Variants in MEIS2 observed in about 807,000 individuals in gnomAD.
MEIS2 encodes the protein Meis homeobox 2, also known as homeobox protein Meis2.
MEIS2 carries 9 observed loss-of-function variants against 58.6 expected under a neutral mutation model. The observed-to-expected ratio is 0.15, with a 90% CI of 0.09 to 0.27. The LOEUF (loss-of-function observed/expected upper bound fraction) is 0.27. Ranked by LOEUF, MEIS2 falls within the 10% of genes least tolerant of loss-of-function variation. The pLI is 1.00. For synonymous variants in MEIS2, 221 were observed against 228.4 expected (o/e 0.97, Z 0.29); for missense variants, 427 against 635.0 (o/e 0.67, Z 3.52).
At chr15:37,005,457 C>A (rs1432238268) in intron 8 of MEIS2, among the ~76,000 whole-genome samples, 2 of 152,188 alleles carry the variant, frequency 1.3e-5, no homozygotes, top group African/African-American at 2.4e-5. Context: ...GCAACACCTC[C>A]CTCCAGGGAC....
intron 9 of MEIS2, among the ~76,000 whole-genome samples, chr15:36,926,274 C>T (rs1567061403): frequency 6.6e-6 from 1 of 151,940 alleles, no homozygotes; most frequent in African/African-American, 2.4e-5. Flanking sequence ...AAGTCAGAGC[C>T]AGGGTCGTTG....
chr15:37,085,165 A>G (rs767666923), intron 6 of MEIS2, among the ~76,000 whole-genome samples: 1 of 152,348 alleles, frequency 6.6e-6, no homozygotes, highest in South Asian at 2.1e-4. Flanking sequence ...CACTAAAAAA[A>G]CCAATCAAAA....
At chr15:36,975,297 G>A (rs548098867) in intron 8 of MEIS2, among the ~76,000 whole-genome samples, 7 of 152,076 alleles carry the variant, frequency 4.6e-5, no homozygotes, top group Non-Finnish European at 8.8e-5. Context: ...CCAGAATACT[G>A]AAGTTTTTTC....
chr15:36,974,378 T>C (rs934178981), intron 8 of MEIS2, among the ~76,000 whole-genome samples: 3 of 152,232 alleles, frequency 2.0e-5, no homozygotes, highest in Admixed American at 6.5e-5. Context: ...GTAATATTTT[T>C]GTTCACACTC....
intron 8 of MEIS2, among the ~76,000 whole-genome samples, chr15:36,952,607 C>CTGTGTG (rs59061267): frequency 0.028 from 3,961 of 139,976 alleles, 53 homozygotes; most frequent in Non-Finnish European, 0.037. Flanking sequence ...GTCTCTCTCT[C>CTGTGTG]TGTGTGTGTG....
chr15:37,053,687 A>G (rs73395404), intron 7 of MEIS2, among the ~76,000 whole-genome samples: 4,577 of 152,272 alleles, frequency 0.03, 231 homozygotes, highest in African/African-American at 0.11. Context: ...ACAACTATAT[A>G]ACCAAGAGAA....
chr15:36,924,608 T>C (rs144568922), intron 9 of MEIS2, among the ~76,000 whole-genome samples: 1,568 of 152,220 alleles, frequency 0.01, 9 homozygotes, highest in Non-Finnish European at 0.017. Context: ...GTTAACTACA[T>C]AGACTTGCCG....
chr15:37,050,557 G>A (rs975356149), intron 7 of MEIS2, among the ~76,000 whole-genome samples: 1 of 152,092 alleles, frequency 6.6e-6, no homozygotes, highest in African/African-American at 2.4e-5. Context: ...TAGAGAACAG[G>A]GGCCCTAAAT....
intron 8 of MEIS2, among the ~76,000 whole-genome samples, chr15:36,985,867 G>C (rs925401744): frequency 6.6e-6 from 1 of 152,172 alleles, no homozygotes; most frequent in Non-Finnish European, 1.5e-5. Context: ...TGGTGACAGA[G>C]TTGTGAAGCA....
chr15:37,017,608 CA>C (rs1478306828), intron 8 of MEIS2, among the ~76,000 whole-genome samples: 1 of 151,872 alleles, frequency 6.6e-6, no homozygotes, highest in African/African-American at 2.4e-5. Context: ...GCCTCACACA[CA>C]AAAAAGTGCC....
chr15:36,921,008 CA>C (rs796659033), intron 9 of MEIS2, among the ~76,000 whole-genome samples: 54 of 150,792 alleles, frequency 3.6e-4, no homozygotes, highest in African/African-American at 1.1e-3. Flanking sequence ...AAAACAAAAA[CA>C]AAAAAAAACC....
chr15:36,921,422 C>G (rs2057502199), intron 9 of MEIS2, among the ~76,000 whole-genome samples: 1 of 152,196 alleles, frequency 6.6e-6, no homozygotes, highest in Admixed American at 6.5e-5. Context: ...TTTCCTGATA[C>G]CGTATGCTAT....
intron 7 of MEIS2, among the ~76,000 whole-genome samples, chr15:37,068,037 A>C (rs755342895): frequency 4.6e-5 from 7 of 152,200 alleles, no homozygotes; most frequent in Non-Finnish European, 1.0e-4. Flanking sequence ...CAAATATATT[A>C]TCTAATTTCA....
At chr15:37,052,154 G>A (rs561031153) in intron 7 of MEIS2, among the ~76,000 whole-genome samples, 1 of 152,272 alleles carries the variant, frequency 6.6e-6, no homozygotes, top group South Asian at 2.1e-4. Flanking sequence ...ATGAAAGACT[G>A]AGCACTCTCA....
chr15:36,954,235 A>T (rs2058869279), intron 8 of MEIS2, among the ~76,000 whole-genome samples: 1 of 151,846 alleles, frequency 6.6e-6, no homozygotes, highest in Non-Finnish European at 1.5e-5. Flanking sequence ...AGCAAGTTGT[A>T]GAACAATATG....
chr15:37,100,533 T>C lies in MEIS2; in HGVS notation c.-1067A>G, dbSNP rs1894977562. 1 of 131,218 alleles carries C rather than the reference T, an allele frequency of 7.6e-6. No homozygotes were observed. The highest frequency in any genetic ancestry group is 8.8e-5 in the Admixed American group (1 of 11,322). 8.1% of individuals were successfully genotyped at this position (131,218 alleles called of 1,614,324 possible). A position where few individuals can be genotyped will look rare whatever the true frequency, so the allele number is the denominator to read the frequency against. On this transcript the variant is annotated 5_prime_UTR_variant, in exon 1 of 12. Transcript: ENST00000561208. Reference sequence around the variant, plus strand: ...GGAGGAGCGCGCCGCGCCGAGCCTCTGATATGCAACGAGTGCGATCGGACA... The same window carrying C: ...GGAGGAGCGCGCCGCGCCGAGCCTCCGATATGCAACGAGTGCGATCGGACA...
In MEIS2 at chr15:36,895,159, C is replaced by G; in HGVS notation, c.1139G>C (p.Arg380Pro). Residue 380 changes from arginine (R) to proline (P), a missense_variant, in exon 11 of 12, where the codon CGG becomes CCG. Physicochemically the swap from Arg to Pro is moderately radical, Grantham distance 103. Coordinates refer to ENST00000561208, the MANE Select transcript of MEIS2 (RefSeq NM_170675.5). ...VLDGQQHMGI[R>P]PAGLQSMPGD... ...GGGATGAGCCAACCTACCTGCAGGC[C>G]GGATCCCCATGTGTTGCTGACCATC... 6.2e-7 allele frequency: 1 copy of G among 1,613,656 alleles called. No homozygotes were observed. Among genetic ancestry groups the G allele is most frequent in the Non-Finnish European group, 8.5e-7 (1 of 1,179,908 alleles).
At chr15:36,904,570 T>C (rs1294641518) in intron 9 of MEIS2, among the ~76,000 whole-genome samples, 1 of 152,192 alleles carries the variant, frequency 6.6e-6, no homozygotes, top group Non-Finnish European at 1.5e-5. Context: ...ATGACCACAT[T>C]TGAACTGCTT....
intron 8 of MEIS2, among the ~76,000 whole-genome samples, chr15:37,009,373 C>T (rs961557729): frequency 3.3e-5 from 5 of 152,184 alleles, no homozygotes; most frequent in African/African-American, 1.2e-4. Context: ...CACATTAATA[C>T]ATTTGGGGTT....
Sources: allele counts gnomAD v4.1 joint callset (sites outside exome capture counted in the v4.1 genomes callset), GRCh38; gene constraint gnomAD v4.1.1; transcripts MANE v1.5; gene names NCBI Gene and HGNC (gene_info 2026-07-23, HGNC 2026-07-21).